HPSE2: variants seen among roughly 807,000 people sequenced by gnomAD.
The protein encoded by HPSE2 is inactive heparanase-2.
Under a neutral mutation model 60.5 loss-of-function variants are expected in HPSE2, and 38 were observed. That is an observed-to-expected ratio of 0.63 (90% CI 0.48 to 0.82). HPSE2 has a LOEUF of 0.82. HPSE2 is among the 40% of genes least tolerant of loss of function. HPSE2 has a pLI of 0.00. For missense variants in HPSE2, 713 were observed against 740.4 expected (o/e 0.96, Z 0.43); for synonymous variants, 295 against 293.2 (o/e 1.01, Z -0.06).
chr10:98,578,876 T>G (rs1316689506), intron 9 of HPSE2, among the ~76,000 whole-genome samples: 1 of 152,144 alleles, frequency 6.6e-6, no homozygotes, highest in Non-Finnish European at 1.5e-5. Flanking sequence ...CAAAGCTCAG[T>G]TACCCCTTAA....
At chr10:99,301,761 A>G in the HPSE2 span, among the ~76,000 whole-genome samples, 1 of 151,972 alleles carries the variant, frequency 6.6e-6, no homozygotes, top group Non-Finnish European at 1.5e-5. Flanking sequence ...CAGAAAGTTT[A>G]CCTTTGGACA....
At chr10:98,480,504 AT>A (rs1252432278) in intron 11 of HPSE2, among the ~76,000 whole-genome samples, 1 of 152,124 alleles carries the variant, frequency 6.6e-6, no homozygotes, top group African/African-American at 2.4e-5. Flanking sequence ...ACCCTTAAGG[AT>A]AGGTATAGAA....
At chr10:98,791,883 T>C (rs1476575567) in intron 3 of HPSE2, among the ~76,000 whole-genome samples, 1 of 152,202 alleles carries the variant, frequency 6.6e-6, no homozygotes, top group East Asian at 1.9e-4. Flanking sequence ...TTACTTGATT[T>C]CTAGTTCAAG....
rs150518273 is a variant in HPSE2, at chr10:98,746,566, T to C, written c.611-2510A>G. On this transcript the variant is annotated intron_variant, in intron 3 of 11. Transcript: ENST00000370552. Reference sequence around the variant, plus strand: ...TTACTTAACAAAAACAAATTATGTTTGCCTTATAAGATTTTCAAATTTATG... The same window carrying C: ...TTACTTAACAAAAACAAATTATGTTCGCCTTATAAGATTTTCAAATTTATG... Among the ~76,000 whole-genome samples the C allele has an allele frequency of 1.9e-3, 291 of 152,188 alleles. 4 individuals carry two copies. Among genetic ancestry groups the C allele is most frequent in the African/African-American group, 6.7e-3 (278 of 41,572 alleles).
chr10:98,803,215 A>G (rs1950959504), intron 3 of HPSE2, among the ~76,000 whole-genome samples: 1 of 150,542 alleles, frequency 6.6e-6, no homozygotes, highest in Non-Finnish European at 1.5e-5. Context: ...TAGATTCTGG[A>G]TATTAGCCCT....
At chr10:99,283,620 T>C in the HPSE2 span, among the ~76,000 whole-genome samples, 1 of 151,416 alleles carries the variant, frequency 6.6e-6, no homozygotes, top group African/African-American at 2.4e-5. Context: ...TTAACTAAGA[T>C]AAAAAAAGAG....
In HPSE2 at chr10:98,528,851, A is replaced by G. The variant is rs1389967239; in HGVS notation, c.1321-38655T>C. 3.3e-5 allele frequency among the ~76,000 whole-genome samples: 5 copies of G among 152,308 alleles called. No homozygotes were observed. The East Asian group carries it at 9.7e-4, about 29-fold the overall frequency. On this transcript the variant is annotated intron_variant, in intron 9 of 11. Transcript: ENST00000370552. The stretch of plus-strand genomic sequence containing the variant: ...AAAGGCCATGTATTTTTAAGAGAAA[A>G]AGCCATATAAATCTGACAGCTCCAC...
At chr10:98,856,638 A>G (rs1172639918) in intron 3 of HPSE2, among the ~76,000 whole-genome samples, 1 of 152,216 alleles carries the variant, frequency 6.6e-6, no homozygotes, top group Non-Finnish European at 1.5e-5. Context: ...TATGAATAAG[A>G]TGGATGGCTG....
At chr10:98,606,552 T>G (rs1302508253) in intron 9 of HPSE2, among the ~76,000 whole-genome samples, 1 of 152,224 alleles carries the variant, frequency 6.6e-6, no homozygotes, top group African/African-American at 2.4e-5. Context: ...AATTTTAGAA[T>G]AGAAGGCAGG....
intron 9 of HPSE2, among the ~76,000 whole-genome samples, chr10:98,506,773 G>A (rs764775057): frequency 1.6e-4 from 25 of 152,134 alleles, no homozygotes; most frequent in South Asian, 4.1e-4. Flanking sequence ...CTGATTTTCC[G>A]TTTCTAGAGA....
At chr10:99,285,298 T>C in the HPSE2 span, among the ~76,000 whole-genome samples, 3 of 149,934 alleles carry the variant, frequency 2.0e-5, no homozygotes, top group African/African-American at 7.4e-5. Flanking sequence ...CTGGGCAGAG[T>C]GGTACATGCC....
intron 6 of HPSE2, among the ~76,000 whole-genome samples, chr10:98,670,886 G>A (rs1439625389): frequency 6.6e-6 from 1 of 152,182 alleles, no homozygotes; most frequent in Non-Finnish European, 1.5e-5. Context: ...GGTGCACTTG[G>A]GGAGCTCGGA....
intron 3 of HPSE2, among the ~76,000 whole-genome samples, chr10:98,822,904 T>G (rs1951456994): frequency 6.6e-6 from 1 of 152,198 alleles, no homozygotes; most frequent in South Asian, 2.1e-4. Context: ...CAAAAGAGAT[T>G]TTGAAGATGT....
intron 3 of HPSE2, among the ~76,000 whole-genome samples, chr10:98,747,446 C>A (rs990238144): frequency 3.9e-5 from 6 of 152,078 alleles, no homozygotes; most frequent in African/African-American, 1.5e-4. Context: ...ACATCAAACA[C>A]AAAAGCATAT....
At chr10:99,273,883 G>T in the HPSE2 span, among the ~76,000 whole-genome samples, 1 of 152,282 alleles carries the variant, frequency 6.6e-6, no homozygotes, top group Non-Finnish European at 1.5e-5. Context: ...TGATCCTTTG[G>T]CCAGTGAGAA....
At position 98,736,012 on chromosome 10, in the gene HPSE2, G is replaced by A. The variant is rs376387728; in HGVS notation, c.784+7871C>T. Among the ~76,000 whole-genome samples, 6 of 152,098 alleles carry A rather than the reference G, an allele frequency of 3.9e-5. No homozygotes were observed. In the East Asian group the frequency reaches 9.7e-4, roughly 25 times the overall value. ...ACATGAGGTTTGGGAGGAGCCAGGGGTAGAATGATATGGTTTGGTTTGGCT... is the reference window on the plus strand; with the variant it reads ...ACATGAGGTTTGGGAGGAGCCAGGGATAGAATGATATGGTTTGGTTTGGCT... On this transcript the variant is annotated intron_variant, in intron 4 of 11. Transcript: ENST00000370552.
At chr10:98,533,744 A>C (rs1304081044) in intron 9 of HPSE2, among the ~76,000 whole-genome samples, 1 of 152,192 alleles carries the variant, frequency 6.6e-6, no homozygotes. Flanking sequence ...GCTGTCCGGC[A>C]GACTTTGGTA....
intron 3 of HPSE2, among the ~76,000 whole-genome samples, chr10:98,973,392 T>C (rs556095329): frequency 5.3e-5 from 8 of 152,312 alleles, no homozygotes; most frequent in African/African-American, 1.9e-4. Flanking sequence ...GAAGGAAGCA[T>C]CTTTCATAAG....
At chr10:98,735,194 G>C (rs1364637110) in intron 4 of HPSE2, among the ~76,000 whole-genome samples, 3 of 151,310 alleles carry the variant, frequency 2.0e-5, no homozygotes, top group African/African-American at 4.8e-5. Flanking sequence ...TTGGTACCGG[G>C]TAGTGGGCCA....
Sources: allele counts gnomAD v4.1 joint callset (sites outside exome capture counted in the v4.1 genomes callset), GRCh38; gene constraint gnomAD v4.1.1; transcripts MANE v1.5; gene names NCBI Gene and HGNC (gene_info 2026-07-23, HGNC 2026-07-21).